PHLDB2: variants seen among roughly 807,000 people sequenced by gnomAD.
The protein encoded by PHLDB2 is pleckstrin homology-like domain family B member 2.
Under a neutral mutation model 123.6 loss-of-function variants are expected in PHLDB2, and 71 were observed. The ratio of observed to expected loss-of-function variants is 0.57; its 90% CI spans 0.47 to 0.70. PHLDB2 has a LOEUF of 0.70. Ranked by LOEUF, PHLDB2 falls within the 30% of genes least tolerant of loss-of-function variation. The pLI is 0.00. For synonymous variants in PHLDB2, 547 were observed against 541.6 expected (o/e 1.01, Z -0.14); for missense variants, 1,446 against 1,519.5 (o/e 0.95, Z 0.80).
intron 1 of PHLDB2, among the ~76,000 whole-genome samples, chr3:111,881,024 T>TTA (rs2065904314): frequency 6.6e-6 from 1 of 152,240 alleles, no homozygotes; most frequent in African/African-American, 2.4e-5. Context: ...TCTTGAATCT[T>TTA]ATTAGAGTCT....
At chr3:111,770,498 T>A (rs909132736) in intron 1 of PHLDB2, among the ~76,000 whole-genome samples, 1 of 152,178 alleles carries the variant, frequency 6.6e-6, no homozygotes, top group African/African-American at 2.4e-5. Context: ...ACACAACAAT[T>A]CTCTTGTCTA....
intron 1 of PHLDB2, among the ~76,000 whole-genome samples, chr3:111,747,091 A>G (rs2059693736): frequency 6.6e-6 from 1 of 152,212 alleles, no homozygotes. Flanking sequence ...TATTTTAAAC[A>G]AGGATGAAAT....
At chr3:111,862,666 G>A (rs1282995) in intron 1 of PHLDB2, among the ~76,000 whole-genome samples, 101 of 152,246 alleles carry the variant, frequency 6.6e-4, no homozygotes, top group African/African-American at 2.4e-3. Flanking sequence ...TTGTTTAACT[G>A]TGTTAAACAA....
intron 1 of PHLDB2, among the ~76,000 whole-genome samples, chr3:111,807,445 A>G (rs2061641088): frequency 6.6e-6 from 1 of 152,152 alleles, no homozygotes; most frequent in Non-Finnish European, 1.5e-5. Context: ...TGCCAGGCAT[A>G]GTGGCACACA....
At chr3:111,964,964 C>T (rs1025020562) in intron 13 of PHLDB2, among the ~76,000 whole-genome samples, 1 of 152,098 alleles carries the variant, frequency 6.6e-6, no homozygotes, top group African/African-American at 2.4e-5. Context: ...TATTTGATGT[C>T]ACAAACTACA....
chr3:111,739,644 G>C (rs1448016703), intron 1 of PHLDB2, among the ~76,000 whole-genome samples: 2 of 149,082 alleles, frequency 1.3e-5, no homozygotes, highest in East Asian at 3.9e-4. Flanking sequence ...CTTTGAGTCT[G>C]CTCTGAATCC....
chr3:111,908,536 T>G (rs759598021), intron 2 of PHLDB2, among the ~76,000 whole-genome samples: 6 of 152,226 alleles, frequency 3.9e-5, no homozygotes, highest in Non-Finnish European at 7.3e-5. Context: ...GGAGAGCCAC[T>G]CTGCCATGTT....
chr3:111,880,953 A>T (rs943674388), intron 1 of PHLDB2, among the ~76,000 whole-genome samples: 6 of 152,114 alleles, frequency 3.9e-5, no homozygotes, highest in Non-Finnish European at 8.8e-5. Context: ...GCATTAAATT[A>T]TCCAGCTTTA....
At chr3:111,964,522 A>G (rs908216297) in intron 13 of PHLDB2, among the ~76,000 whole-genome samples, 10 of 127,994 alleles carry the variant, frequency 7.8e-5, no homozygotes, top group African/African-American at 1.2e-4. Flanking sequence ...TTTTTTTTTT[A>G]GTAGAGAAGG....
chr3:111,973,653 GATT>G, intron 16 of PHLDB2, 76 bp from the exon 17 acceptor site: 1 of 768,940 alleles, frequency 1.3e-6, no homozygotes, highest in Non-Finnish European at 2.1e-6. Context: ...ATATTTTAAT[GATT>G]ATAATTGTAA....
intron 1 of PHLDB2, among the ~76,000 whole-genome samples, chr3:111,866,265 A>G (rs2065076230): frequency 6.6e-6 from 1 of 151,802 alleles, no homozygotes; most frequent in Admixed American, 6.6e-5. Context: ...TGATCTGCCC[A>G]CCTCAGCATC....
chr3:111,921,023 C>T (rs754144916), intron 5 of PHLDB2, among the ~76,000 whole-genome samples: 5 of 152,190 alleles, frequency 3.3e-5, no homozygotes, highest in Non-Finnish European at 7.4e-5. Context: ...ACACAGTTGA[C>T]ACTTATCTTG....
At chr3:111,885,742 G>GA (rs2066130153) in intron 2 of PHLDB2, 4 of 607,188 alleles carry the variant, frequency 6.6e-6, no homozygotes. Context: ...TTAAGACTAT[G>GA]AGGAAATGCT....
chr3:111,969,545 A>C lies in PHLDB2; in HGVS notation c.3316-145A>C, dbSNP rs2072033944. 6.2e-6 allele frequency: 4 copies of C among 642,554 alleles called. No individual in the cohort carries two copies. The South Asian group carries it at 8.3e-5, about 13-fold the overall frequency. 39.8% of individuals were successfully genotyped at this position (642,554 alleles called of 1,614,324 possible). Reference sequence around the variant, plus strand: ...ATCCACTTTTTAGACTCCAAATCATAAGTGCTTTGTTTATCTTAAGCTCTT... The same window carrying C: ...ATCCACTTTTTAGACTCCAAATCATCAGTGCTTTGTTTATCTTAAGCTCTT... On this transcript the variant is annotated intron_variant, in intron 15 of 17. Transcript: ENST00000431670.
intron 1 of PHLDB2, among the ~76,000 whole-genome samples, chr3:111,751,579 T>C (rs1008787368): frequency 1.3e-5 from 2 of 150,712 alleles, no homozygotes; most frequent in African/African-American, 4.9e-5. Flanking sequence ...AAACCTCTCC[T>C]TGGAGACACA....
rs1035644252 is a variant in PHLDB2 at position 111,936,751 on chromosome 3, G to A, written c.2131-2724G>A. Reference sequence around the variant, plus strand: ...AAGTGTATATATTCTGAGTCATATGGCCACTTTGAATGAAGATTACTTATA... The same window carrying A: ...AAGTGTATATATTCTGAGTCATATGACCACTTTGAATGAAGATTACTTATA... On this transcript the variant is annotated intron_variant, in intron 6 of 17. Coordinates refer to ENST00000431670, the MANE Select transcript of PHLDB2 (RefSeq NM_001134438.2). Among the ~76,000 whole-genome samples, 3 of 152,216 alleles carry A rather than the reference G, an allele frequency of 2.0e-5. No homozygotes were observed. The East Asian group carries it at 5.8e-4, about 29-fold the overall frequency.
At chr3:111,901,851 A>G (rs2067223490) in intron 2 of PHLDB2, among the ~76,000 whole-genome samples, 1 of 152,238 alleles carries the variant, frequency 6.6e-6, no homozygotes, top group African/African-American at 2.4e-5. Context: ...CATGTTTTAC[A>G]TAGATGCTGT....
At position 111,947,899 on chromosome 3, in the gene PHLDB2, T is replaced by C. The variant is rs915663501; in HGVS notation, c.2488-1033T>C. On this transcript the variant is annotated intron_variant, in intron 9 of 17. Coordinates refer to ENST00000431670, the MANE Select transcript of PHLDB2 (RefSeq NM_001134438.2). The stretch of plus-strand genomic sequence containing the variant: ...TTCAGCCTAAAATTTGTAAAAGGAT[T>C]GATGGAGGCATGGAAGAATCTTTAT... Among the ~76,000 whole-genome samples, 4 of 152,330 alleles carry C rather than the reference T, an allele frequency of 2.6e-5. No homozygotes were observed. In the East Asian group the frequency reaches 7.7e-4, roughly 29 times the overall value.
At chr3:111,966,524 T>TGGGG (rs766446456) in intron 13 of PHLDB2, 89 bp from the exon 14 acceptor site, 3 of 501,560 alleles carry the variant, frequency 6.0e-6, no homozygotes, top group Non-Finnish European at 6.7e-6. Context: ...TGTGTGTGTC[T>TGGGG]GGGGTGTGTG....
Sources: allele counts gnomAD v4.1 joint callset (sites outside exome capture counted in the v4.1 genomes callset), GRCh38; gene constraint gnomAD v4.1.1; transcripts MANE v1.5; gene names NCBI Gene and HGNC (gene_info 2026-07-23, HGNC 2026-07-21).